CACNA2D1: variants seen among roughly 807,000 people sequenced by gnomAD.
The protein encoded by CACNA2D1 is calcium voltage-gated channel auxiliary subunit alpha2delta 1, also known as voltage-dependent calcium channel subunit alpha-2/delta-1.
A neutral mutation model predicts 171.5 loss-of-function variants in CACNA2D1; 53 were observed. That is an observed-to-expected ratio of 0.31 (90% CI 0.25 to 0.39). The LOEUF (loss-of-function observed/expected upper bound fraction) is 0.39. Among genes scored for constraint, CACNA2D1 ranks in the 10% least tolerant of loss-of-function variants. CACNA2D1 has a pLI of 1.00. For synonymous variants in CACNA2D1, 442 were observed against 443.1 expected (o/e 1.00, Z 0.03); for missense variants, 903 against 1,299.8 (o/e 0.69, Z 4.69).
At position 82,394,172 on chromosome 7, in the gene CACNA2D1, C is replaced by T. The variant is rs569921365; in HGVS notation, c.96-44523G>A. Among the ~76,000 whole-genome samples the T allele has an allele frequency of 3.9e-5, 6 of 152,114 alleles. No individual in the cohort carries two copies. The East Asian group carries it at 5.8e-4, about 15-fold the overall frequency. The stretch of plus-strand genomic sequence containing the variant: ...ATGGAGGGGGAGGGGTCAAGGAGGG[C>T]TCCAAAAGACACATTTCTTGATACG... On this transcript the variant is annotated intron_variant, in intron 1 of 38. Transcript: ENST00000356860.
intron 1 of CACNA2D1, among the ~76,000 whole-genome samples, chr7:82,431,416 G>A (rs1023683708): frequency 3.9e-5 from 6 of 152,146 alleles, no homozygotes; most frequent in Admixed American, 1.3e-4. Context: ...TTGGATGCAG[G>A]AAGCAAAAAT....
chr7:82,251,954 C>T (rs988740539), intron 3 of CACNA2D1, among the ~76,000 whole-genome samples: 3 of 152,144 alleles, frequency 2.0e-5, no homozygotes, highest in African/African-American at 7.2e-5. Context: ...TAGTGATTAT[C>T]ACTTTATTTC....
At chr7:82,252,032 T>C (rs1805708092) in intron 3 of CACNA2D1, among the ~76,000 whole-genome samples, 1 of 152,234 alleles carries the variant, frequency 6.6e-6, no homozygotes. Flanking sequence ...TTCAATTTTT[T>C]ATGTCATTTA....
rs2128985236 is a variant in CACNA2D1 at position 82,066,538 on chromosome 7, A to T, written c.659-14T>A. On this transcript the variant is annotated splice_polypyrimidine_tract_variant and intron_variant, in intron 7 of 38. Transcript: ENST00000356860. ...CCCATGGTGAAGCTAAAAAAAAAAA[A>T]AAAAGAGAGATATTAAATCAAAATA... 6.3e-7 allele frequency: 1 copy of T among 1,591,690 alleles called. No individual in the cohort carries two copies. Among genetic ancestry groups the T allele is most frequent in the Non-Finnish European group, 8.5e-7 (1 of 1,172,338 alleles).
intron 10 of CACNA2D1, among the ~76,000 whole-genome samples, chr7:82,059,794 C>T (rs1806385760): frequency 6.6e-6 from 1 of 150,818 alleles, no homozygotes; most frequent in Non-Finnish European, 1.5e-5. Context: ...GGCACATATA[C>T]ACCATGGAAT....
intron 1 of CACNA2D1, among the ~76,000 whole-genome samples, chr7:82,393,156 A>AGGGAGGGAGGCC (rs1825382681): frequency 9.2e-6 from 1 of 108,374 alleles, no homozygotes; most frequent in Non-Finnish European, 1.8e-5. Flanking sequence ...GGAGGCAGGC[A>AGGGAGGGAGGCC]GGGAGGGAGG....
At chr7:82,349,021 T>A (rs1819558786) in intron 2 of CACNA2D1, among the ~76,000 whole-genome samples, 1 of 152,170 alleles carries the variant, frequency 6.6e-6, no homozygotes, top group African/African-American at 2.4e-5. Flanking sequence ...TCATAGCTAA[T>A]TCATAAGTCA....
chr7:82,197,783 C>A (rs980717282), intron 3 of CACNA2D1, among the ~76,000 whole-genome samples: 1 of 149,366 alleles, frequency 6.7e-6, no homozygotes. Context: ...ATATTTTCTC[C>A]TTCTAATGTC....
chr7:82,041,295 G>A (rs1803938901), intron 10 of CACNA2D1, among the ~76,000 whole-genome samples: 1 of 152,112 alleles, frequency 6.6e-6, no homozygotes, highest in Admixed American at 6.6e-5. Flanking sequence ...CTCGTCGAAA[G>A]GTAGGGACAG....
In CACNA2D1 at chr7:82,038,016, T is replaced by C. The variant is rs1803517557; in HGVS notation, c.1038+61A>G. 6.6e-6 allele frequency: 10 copies of C among 1,516,084 alleles called. No homozygotes were observed. The South Asian group carries it at 9.0e-5, about 14-fold the overall frequency. The allele number at this position is 1,516,084 out of a possible 1,614,324, so 93.9% of individuals were successfully genotyped here. On this transcript the variant is annotated intron_variant, in intron 11 of 38. Coordinates refer to ENST00000356860, the MANE Select transcript of CACNA2D1 (RefSeq NM_000722.4). ...CCAGAGAGTAGTAACTATCAGAATA[T>C]TGAAATTCAGATACTACAATTGAAC...
intron 1 of CACNA2D1, among the ~76,000 whole-genome samples, chr7:82,414,861 C>T (rs1828009918): frequency 6.6e-6 from 1 of 152,314 alleles, no homozygotes; most frequent in East Asian, 1.9e-4. Flanking sequence ...TATAGCTACT[C>T]ATTCATACTT....
At chr7:82,053,248 T>A (rs750679615) in intron 10 of CACNA2D1, among the ~76,000 whole-genome samples, 1 of 54,860 alleles carries the variant, frequency 1.8e-5, no homozygotes, top group Non-Finnish European at 4.2e-5. Context: ...CGAGACTCCG[T>A]CTCAAAAAAA....
At chr7:82,056,628 G>A (rs908965309) in intron 10 of CACNA2D1, among the ~76,000 whole-genome samples, 2 of 152,032 alleles carry the variant, frequency 1.3e-5, no homozygotes, top group Non-Finnish European at 2.9e-5. Context: ...ACCAACCCAC[G>A]GGAATAGTGT....
At position 82,184,653 on chromosome 7, in the gene CACNA2D1, C is replaced by G. The variant is rs867448478; in HGVS notation, c.295-14044G>C. Among the ~76,000 whole-genome samples, 3 of 151,982 alleles carry G rather than the reference C, an allele frequency of 2.0e-5. No homozygotes were observed. The South Asian group carries it at 6.2e-4, about 32-fold the overall frequency. ...TAAGCAGTGACAAATTTTAAGCTCT[C>G]GAGTCTCAAGTACAAAGTTCAAGAA... is the stretch of plus-strand genomic sequence containing the variant. On this transcript the variant is annotated intron_variant, in intron 3 of 38. Coordinates refer to ENST00000356860, the MANE Select transcript of CACNA2D1 (RefSeq NM_000722.4).
rs1302414558 is a variant in CACNA2D1, at chr7:82,014,395, T to G, written c.1222+6A>C. The G allele has an allele frequency of 2.7e-6, 4 of 1,491,816 alleles. No individual in the cohort carries two copies. The African/African-American group carries it at 5.5e-5, about 21-fold the overall frequency. 92.4% of individuals were successfully genotyped at this position (1,491,816 alleles called of 1,614,324 possible). On this transcript the variant is annotated splice_donor_region_variant and intron_variant, in intron 13 of 38. Transcript: ENST00000356860. Reference sequence around the variant, plus strand: ...CTAATTTATTAGAAGAAAACAGATTTGTTACCTTTGTTTTCACAGGCCATC... The same window carrying G: ...CTAATTTATTAGAAGAAAACAGATTGGTTACCTTTGTTTTCACAGGCCATC...
intron 4 of CACNA2D1, among the ~76,000 whole-genome samples, chr7:82,145,263 AAAAT>A (rs1414782164): frequency 2.7e-5 from 4 of 145,924 alleles, no homozygotes; most frequent in Non-Finnish European, 6.0e-5. Context: ...TAAATTATAT[AAAAT>A]ATATAAAATA....
At chr7:81,983,238 C>A (rs1796614973) in intron 23 of CACNA2D1, 76 bp downstream of exon 23, 13 of 1,237,354 alleles carry the variant, frequency 1.1e-5, no homozygotes, top group Non-Finnish European at 1.4e-5. Context: ...GGATAATATC[C>A]AATAGGAAGG....
At chr7:82,006,744 T>A (rs1799161166) in intron 16 of CACNA2D1, among the ~76,000 whole-genome samples, 1 of 152,098 alleles carries the variant, frequency 6.6e-6, no homozygotes. Flanking sequence ...TACTCTTTTA[T>A]GAGTTACAAT....
At chr7:82,346,020 T>G (rs894405636) in intron 2 of CACNA2D1, among the ~76,000 whole-genome samples, 2 of 152,184 alleles carry the variant, frequency 1.3e-5, no homozygotes, top group African/African-American at 4.8e-5. Flanking sequence ...TTGAGTTAGA[T>G]GTGACTAAGT....
Sources: gnomAD v4.1 joint callset for allele counts (sites outside exome capture counted in the v4.1 genomes callset) on GRCh38, gnomAD v4.1.1 for gene constraint, MANE v1.5 for transcripts, NCBI Gene and HGNC (gene_info 2026-07-23, HGNC 2026-07-21) for gene names.